MIPOL1: variants seen among roughly 807,000 people sequenced by gnomAD.
MIPOL1 encodes mirror-image polydactyly 1.
Under a neutral mutation model 60.9 loss-of-function variants are expected in MIPOL1, and 57 were observed. That is an observed-to-expected ratio of 0.94 (90% CI 0.76 to 1.17). MIPOL1 has a LOEUF of 1.17. Ranked by LOEUF, MIPOL1 falls within the 50% of genes most tolerant of loss-of-function variation. The pLI, the probability that MIPOL1 is intolerant of heterozygous loss-of-function variation, is 0.00. For synonymous variants in MIPOL1, 179 were observed against 168.8 expected, an observed-to-expected ratio of 1.06 and a Z score of -0.47; for missense variants, 551 against 511.6, an observed-to-expected ratio of 1.08 and a Z score of -0.74.
intron 1 of MIPOL1, among the ~76,000 whole-genome samples, chr14:37,216,117 C>T (rs1387183941): frequency 1.3e-5 from 2 of 149,322 alleles, no homozygotes. Context: ...TATTCTATAC[C>T]AACAGAAACC....
intron 1 of MIPOL1, among the ~76,000 whole-genome samples, chr14:37,214,575 A>G (rs1302089177): frequency 1.3e-5 from 2 of 152,196 alleles, no homozygotes; most frequent in African/African-American, 4.8e-5. Context: ...ATATATGACT[A>G]TCATTAATCA....
chr14:37,433,948 T>C (rs2094120669), intron 11 of MIPOL1, among the ~76,000 whole-genome samples: 1 of 152,178 alleles, frequency 6.6e-6, no homozygotes, highest in African/African-American at 2.4e-5. Context: ...GGCATTTGGG[T>C]TGGTTCCAAG....
At chr14:37,213,510 TAC>T (rs1447189209) in intron 1 of MIPOL1, among the ~76,000 whole-genome samples, 3 of 151,502 alleles carry the variant, frequency 2.0e-5, no homozygotes, top group African/African-American at 7.3e-5. Flanking sequence ...TATTTGAAAA[TAC>T]ACAGTCAGAA....
chr14:37,205,057 A>G (rs755866205), intron 1 of MIPOL1, among the ~76,000 whole-genome samples: 1 of 152,052 alleles, frequency 6.6e-6, no homozygotes, highest in African/African-American at 2.4e-5. Flanking sequence ...AGATTTGTCG[A>G]ACTTTGAACT....
chr14:37,345,253 G>A (rs2090865485), intron 9 of MIPOL1, among the ~76,000 whole-genome samples: 1 of 8,116 alleles, frequency 1.2e-4, no homozygotes, highest in South Asian at 0.031. Context: ...GCAGGTGCAC[G>A]CCACAATGTC....
intron 11 of MIPOL1, among the ~76,000 whole-genome samples, chr14:37,497,309 A>T (rs113467930): frequency 0.018 from 2,732 of 152,280 alleles, 80 homozygotes; most frequent in African/African-American, 0.061. Flanking sequence ...CTAATCATTG[A>T]TTCTTAATAT....
At chr14:37,319,016 T>G (rs1001277080) in intron 9 of MIPOL1, among the ~76,000 whole-genome samples, 2 of 152,046 alleles carry the variant, frequency 1.3e-5, no homozygotes, top group Admixed American at 1.3e-4. Flanking sequence ...TTTTTTTGTA[T>G]TTTTTGTAGA....
chr14:37,405,980 CT>C (rs1595627002), intron 10 of MIPOL1, among the ~76,000 whole-genome samples: 1 of 150,802 alleles, frequency 6.6e-6, no homozygotes, highest in Non-Finnish European at 1.5e-5. Flanking sequence ...GCCTATGCAC[CT>C]AAAAAACTTT....
At chr14:37,450,523 C>T (rs554303429) in intron 11 of MIPOL1, among the ~76,000 whole-genome samples, 4 of 152,032 alleles carry the variant, frequency 2.6e-5, no homozygotes, top group East Asian at 1.9e-4. Flanking sequence ...TTTTTTTAAT[C>T]TCAATTTTTT....
At chr14:37,244,886 A>T (rs1972944973) in intron 1 of MIPOL1, among the ~76,000 whole-genome samples, 1 of 152,112 alleles carries the variant, frequency 6.6e-6, no homozygotes, top group Non-Finnish European at 1.5e-5. Flanking sequence ...CTTTACAGAA[A>T]TCTTCTCCTA....
At chr14:37,505,217 A>G (rs1278611466) in intron 12 of MIPOL1, 1 of 152,282 alleles carries the variant, frequency 6.6e-6, no homozygotes, top group Non-Finnish European at 1.5e-5. Flanking sequence ...ATTCCAGTCA[A>G]TAGAAAAAGG....
At chr14:37,280,079 T>C (rs1476119854) in intron 6 of MIPOL1, among the ~76,000 whole-genome samples, 1 of 152,174 alleles carries the variant, frequency 6.6e-6, no homozygotes, top group East Asian at 1.9e-4. Context: ...TAGCATAGTG[T>C]CCTCTAGGTT....
intron 11 of MIPOL1, among the ~76,000 whole-genome samples, chr14:37,485,603 ATGTT>A (rs1198844562): frequency 6.6e-6 from 1 of 151,840 alleles, no homozygotes; most frequent in Non-Finnish European, 1.5e-5. Flanking sequence ...GATTTTTTTC[ATGTT>A]TGTTGGCTGC....
chr14:37,436,983 T>A (rs138728316), intron 11 of MIPOL1, among the ~76,000 whole-genome samples: 1 of 152,302 alleles, frequency 6.6e-6, no homozygotes, highest in African/African-American at 2.4e-5. Context: ...ATTTTATGAG[T>A]TCAGTTCAGT....
intron 3 of MIPOL1, among the ~76,000 whole-genome samples, chr14:37,260,052 A>G (rs1394753965): frequency 6.6e-6 from 1 of 152,050 alleles, no homozygotes; most frequent in Admixed American, 6.6e-5. Flanking sequence ...TAAGTGTTGA[A>G]TAAAGTACTC....
At chr14:37,291,914 A>AT (rs57230205) in intron 7 of MIPOL1, among the ~76,000 whole-genome samples, 5,969 of 92,968 alleles carry the variant, frequency 0.064, 680 homozygotes, top group African/African-American at 0.17. Context: ...AATGGCAATA[A>AT]TTTTTTTTTT....
chr14:37,198,065 C>T lies in MIPOL1; in HGVS notation c.-238C>T, dbSNP rs1018476677. 6.6e-6 allele frequency: 1 copy of T among 152,292 alleles called. No homozygotes were observed. The highest frequency in any genetic ancestry group is 2.4e-5 in the African/African-American group (1 of 41,438). 9.4% of individuals were successfully genotyped at this position (152,292 alleles called of 1,614,324 possible). ...CTCGGCCTGAGAAACTCGGCAAGCGCGCAGTGTCGACTCCCCGGTCTATGC... is the reference window on the plus strand; with the variant it reads ...CTCGGCCTGAGAAACTCGGCAAGCGTGCAGTGTCGACTCCCCGGTCTATGC... On this transcript the variant is annotated 5_prime_UTR_variant, in exon 1 of 13. Coordinates refer to ENST00000684589, the MANE Select transcript of MIPOL1 (RefSeq NM_001388067.1).
chr14:37,356,560 CT>C (rs1183897185), intron 9 of MIPOL1, among the ~76,000 whole-genome samples: 3 of 152,192 alleles, frequency 2.0e-5, no homozygotes, highest in Non-Finnish European at 2.9e-5. Flanking sequence ...ATCAGCGAGA[CT>C]CTGTGGGTGT....
intron 9 of MIPOL1, among the ~76,000 whole-genome samples, chr14:37,354,323 C>A (rs969973985): frequency 7.8e-6 from 1 of 128,056 alleles, no homozygotes; most frequent in Non-Finnish European, 1.6e-5. Flanking sequence ...AGCTTTACTT[C>A]CAAGTATGCG....
Sources: gnomAD v4.1 joint callset for allele counts (sites outside exome capture counted in the v4.1 genomes callset) on GRCh38, gnomAD v4.1.1 for gene constraint, MANE v1.5 for transcripts, NCBI Gene and HGNC (gene_info 2026-07-23, HGNC 2026-07-21) for gene names.